The following PRH1 variants were observed in gnomAD, a reference collection of about 807,000 sequenced individuals.
PRH1 encodes the protein salivary acidic proline-rich phosphoprotein 1/2.
In PRH1, 7 loss-of-function variants were observed where a neutral mutation model predicts 7.9. The ratio of observed to expected loss-of-function variants is 0.89; its 90% CI spans 0.50 to 1.67. PRH1 has a LOEUF of 1.67. Ranked by LOEUF, PRH1 falls within the 40% of genes most tolerant of loss-of-function variation. The pLI is 0.00. For missense variants in PRH1, 109 were observed against 223.6 expected (o/e 0.49, Z 3.27); for synonymous variants, 45 against 80.8 (o/e 0.56, Z 2.38).
intron 1 of PRH1, chr12:11,092,158 A>G (rs1196857209): frequency 2.2e-6 from 3 of 1,351,548 alleles, no homozygotes; most frequent in Non-Finnish European, 3.1e-6. Context: ...CTATGAAGCC[A>G]TTAGCAAAAT....
intron 1 of PRH1, among the ~76,000 whole-genome samples, chr12:11,152,808 A>G (rs997314972): frequency 6.6e-6 from 1 of 152,198 alleles, no homozygotes; most frequent in Admixed American, 6.5e-5. Flanking sequence ...AAAATGCATT[A>G]TCAGTTTGTC....
chr12:11,048,161 T>TGTATAGATAGATAGATAG (rs1555147093), upstream of PRH1, among the ~76,000 whole-genome samples: 12 of 139,184 alleles, frequency 8.6e-5, no homozygotes, highest in Middle Eastern at 3.7e-3. Context: ...TGTGTGTGTG[T>TGTATAGATAGATAGATAG]ATAGATAGAT....
chr12:10,901,106 T>C lies in PRH1; in HGVS notation c.-58-16831A>G, dbSNP rs561193206. Among the ~76,000 whole-genome samples, 19 of 152,336 alleles carry C rather than the reference T, an allele frequency of 1.2e-4. No individual in the cohort carries two copies. The South Asian group carries it at 3.9e-3, about 32-fold the overall frequency. On this transcript the variant is annotated intron_variant, in intron 2 of 3. Coordinates refer to the PRH1 transcript ENST00000539853. Reference sequence around the variant, plus strand: ...CACCTGCTCACACAGACTGGCAACCTGTGCTGCCTCACCCTTCCCGTTCAC... The same window carrying C: ...CACCTGCTCACACAGACTGGCAACCCGTGCTGCCTCACCCTTCCCGTTCAC...
At chr12:11,035,237 T>A (rs1240150541) in intron 1 of PRH1, among the ~76,000 whole-genome samples, 1 of 152,144 alleles carries the variant, frequency 6.6e-6, no homozygotes, top group Non-Finnish European at 1.5e-5. Flanking sequence ...AATCTCCACA[T>A]TGCTTCTGCC....
chr12:10,989,962 C>G (rs1405435911), intron 1 of PRH1, among the ~76,000 whole-genome samples: 2 of 152,002 alleles, frequency 1.3e-5, no homozygotes, highest in African/African-American at 4.8e-5. Flanking sequence ...TTTTAGTTAT[C>G]TCATCTAAAT....
chr12:11,072,975 G>T (rs36096249), intron 1 of PRH1, among the ~76,000 whole-genome samples: 3,833 of 151,482 alleles, frequency 0.025, no homozygotes, highest in East Asian at 0.17. Context: ...ACCAGGAAAT[G>T]GAAAGGTCCC....
At chr12:10,903,940 A>AAAAAAAAAAAAAAAACAAAC (rs1271332866) in intron 2 of PRH1, among the ~76,000 whole-genome samples, 4 of 144,500 alleles carry the variant, frequency 2.8e-5, no homozygotes. Context: ...TCAAAAAAAA[A>AAAAAAAAAAAAAAAACAAAC]AAAAAAAAAA....
intron 1 of PRH1, among the ~76,000 whole-genome samples, chr12:11,059,086 G>T (rs1349357970): frequency 6.6e-6 from 1 of 152,200 alleles, no homozygotes; most frequent in African/African-American, 2.4e-5. Flanking sequence ...AGAGATGGTA[G>T]TTCTGCCTCA....
intron 2 of PRH1, among the ~76,000 whole-genome samples, chr12:10,928,577 T>C (rs1356582445): frequency 2.6e-5 from 4 of 152,202 alleles, no homozygotes; most frequent in Admixed American, 2.6e-4. Context: ...CTTTCCTGTA[T>C]TGTACAGCAC....
rs183381342 is a variant in PRH1 at position 11,058,180 on chromosome 12, G to C, written n.124-10992C>G. Among the ~76,000 whole-genome samples the C allele has an allele frequency of 3.1e-4, 47 of 152,290 alleles. No individual in the cohort carries two copies. The East Asian group carries it at 8.9e-3, about 29-fold the overall frequency. On this transcript the variant is annotated intron_variant and non_coding_transcript_variant, in intron 1 of 4. Transcript: ENST00000541977. ...GAGCCCAGAAGGTTGAGGCTGCAATGAGCTATGATCCTGCCACTGCACTCC... is the reference window on the plus strand; with the variant it reads ...GAGCCCAGAAGGTTGAGGCTGCAATCAGCTATGATCCTGCCACTGCACTCC...
intron 2 of PRH1, among the ~76,000 whole-genome samples, chr12:10,911,037 C>A (rs1164452348): frequency 6.6e-6 from 1 of 152,030 alleles, no homozygotes; most frequent in Non-Finnish European, 1.5e-5. Flanking sequence ...TCTCCTTTAA[C>A]AGTTTGTTAG....
chr12:11,061,502 C>T (rs768843374), intron 1 of PRH1: 16 of 1,555,934 alleles, frequency 1.0e-5, no homozygotes, highest in Admixed American at 7.1e-5. Flanking sequence ...GCAATAGCTT[C>T]GCAGAACATG....
At chr12:11,133,141 A>ACACG (rs1253809323) in intron 1 of PRH1, 4 of 988,208 alleles carry the variant, frequency 4.0e-6, no homozygotes, top group Non-Finnish European at 5.6e-6. Flanking sequence ...ACACACACAC[A>ACACG]CATCTATATA....
chr12:10,988,338 G>C (rs1939755014), intron 1 of PRH1, among the ~76,000 whole-genome samples: 1 of 152,066 alleles, frequency 6.6e-6, no homozygotes, highest in Admixed American at 6.6e-5. Flanking sequence ...GGAGCCAAAA[G>C]AAAAATAGAT....
intron 2 of PRH1, chr12:10,938,743 A>G (rs1950338306): frequency 4.3e-6 from 7 of 1,613,924 alleles, no homozygotes; most frequent in Non-Finnish European, 5.9e-6. Context: ...ATCCATTGAT[A>G]CTGGCATTTA....
At chr12:10,925,780 T>C (rs1432587225) in intron 2 of PRH1, among the ~76,000 whole-genome samples, 1 of 152,218 alleles carries the variant, frequency 6.6e-6, no homozygotes, top group African/African-American at 2.4e-5. Flanking sequence ...CCTTCTCATA[T>C]TGTAATAATG....
chr12:11,091,656 G>A, intron 1 of PRH1: 1 of 1,245,732 alleles, frequency 8.0e-7, no homozygotes, highest in Non-Finnish European at 1.1e-6. Flanking sequence ...AAAGATAGTA[G>A]GGTCAGAGTG....
intron 1 of PRH1, among the ~76,000 whole-genome samples, chr12:11,170,522 G>A (rs1162808786): frequency 1.3e-5 from 2 of 152,210 alleles, no homozygotes; most frequent in Non-Finnish European, 2.9e-5. Flanking sequence ...ACTCCAGCCT[G>A]GGCGACAGAG....
intron 2 of PRH1, among the ~76,000 whole-genome samples, chr12:10,934,063 T>C (rs1950250681): frequency 1.3e-5 from 2 of 152,208 alleles, no homozygotes; most frequent in South Asian, 2.1e-4. Flanking sequence ...GATTACACAA[T>C]GACCAGCTAG....
Sources: gnomAD v4.1 joint callset for allele counts (sites outside exome capture counted in the v4.1 genomes callset) on GRCh38, gnomAD v4.1.1 for gene constraint, MANE v1.5 for transcripts, NCBI Gene and HGNC (gene_info 2026-07-23, HGNC 2026-07-21) for gene names.